COL23A1: variants seen among roughly 807,000 people sequenced by gnomAD.
COL23A1 encodes collagen alpha-1(XXIII) chain.
In COL23A1, 97 loss-of-function variants were observed where a neutral mutation model predicts 99.3. That is an observed-to-expected ratio of 0.98 (90% CI 0.83 to 1.16). COL23A1 has a LOEUF of 1.16. Among genes scored for constraint, COL23A1 ranks in the 50% most tolerant of loss-of-function variants. The probability of loss-of-function intolerance (pLI) is 0.00; values close to 1 mark genes in which losing one functional copy is unlikely to be tolerated. For synonymous variants in COL23A1, 320 were observed against 308.2 expected (o/e 1.04, Z -0.40); for missense variants, 762 against 757.4 (o/e 1.01, Z -0.07).
At chr5:178,432,337 CAG>C (rs1428364038) in intron 2 of COL23A1, among the ~76,000 whole-genome samples, 1 of 152,178 alleles carries the variant, frequency 6.6e-6, no homozygotes, top group Non-Finnish European at 1.5e-5. Flanking sequence ...AAAAGCCAAA[CAG>C]AGGACATTTT....
chr5:178,358,719 A>ATG (rs199624724), intron 2 of COL23A1, among the ~76,000 whole-genome samples: 16 of 102,904 alleles, frequency 1.6e-4, no homozygotes, highest in South Asian at 1.4e-3. Context: ...GTATGTGTGT[A>ATG]TGTGTATGTG....
chr5:178,253,038 C>A (rs1026274279), intron 16 of COL23A1, among the ~76,000 whole-genome samples: 2 of 150,058 alleles, frequency 1.3e-5, no homozygotes, highest in Admixed American at 1.3e-4. Flanking sequence ...CCTTCTGGCT[C>A]TGCTGCCTGC....
In COL23A1 at chr5:178,313,089, C is replaced by T. The variant is rs1363549988; in HGVS notation, c.362-6170G>A. Among the ~76,000 whole-genome samples, 1 of 152,152 alleles carries T rather than the reference C, an allele frequency of 6.6e-6. No homozygotes were observed. Among genetic ancestry groups the T allele is most frequent in the Admixed American group, 6.5e-5 (1 of 15,286 alleles). On this transcript the variant is annotated intron_variant, in intron 2 of 28. Coordinates refer to ENST00000390654, the MANE Select transcript of COL23A1 (RefSeq NM_173465.4). This position sits in a 1 kb window ranked among gnomAD's most constrained non-coding sequence, Gnocchi z 4.2. ...GTCACGCGATGGGAAGTAAGCCAGA[C>T]ACAGAAAGACAAATACGGAAGGATT...
chr5:178,257,493 G>A (rs758935382), intron 13 of COL23A1, 30 bp downstream of exon 13: 400 of 1,562,200 alleles, frequency 2.6e-4, no homozygotes, highest in Non-Finnish European at 1.8e-4. Flanking sequence ...GTGGGGGCAG[G>A]GGGCCACGAG....
chr5:178,278,186 C>T (rs1756697808), intron 5 of COL23A1, among the ~76,000 whole-genome samples: 1 of 152,234 alleles, frequency 6.6e-6, no homozygotes, highest in Non-Finnish European at 1.5e-5. Flanking sequence ...CAGCTCGCAG[C>T]ACACACTGAA....
At chr5:178,588,127 C>CAG (rs372279717) in intron 1 of COL23A1, among the ~76,000 whole-genome samples, 24 of 151,394 alleles carry the variant, frequency 1.6e-4, no homozygotes, top group East Asian at 5.8e-4. Context: ...TAATCAAGAA[C>CAG]AGAGAGAGAG....
chr5:178,415,747 G>C lies in COL23A1; in HGVS notation c.362-108828C>G, dbSNP rs1027757540. Among the ~76,000 whole-genome samples, 4 of 152,206 alleles carry C rather than the reference G, an allele frequency of 2.6e-5. No individual in the cohort carries two copies. Among genetic ancestry groups the C allele is most frequent in the Non-Finnish European group, 5.9e-5 (4 of 68,036 alleles). ...CAAGGGGATGCAGAAGAGTGAGCAC[G>C]AGGTTCTTGCCCACAGAGAGCTCCC... is the stretch of plus-strand genomic sequence containing the variant. On this transcript the variant is annotated intron_variant, in intron 2 of 28. Coordinates refer to ENST00000390654, the MANE Select transcript of COL23A1 (RefSeq NM_173465.4). The surrounding 1 kb of genome is among the most constrained non-coding windows in gnomAD (Gnocchi z 4.6).
intron 3 of COL23A1, among the ~76,000 whole-genome samples, chr5:178,302,685 T>A (rs1022443968): frequency 2.6e-5 from 4 of 152,226 alleles, no homozygotes; most frequent in African/African-American, 9.6e-5. Context: ...CCTTTGAACA[T>A]CTCATTCCCT....
In COL23A1 at chr5:178,268,743, G is replaced by A. The variant is rs755218615; in HGVS notation, c.482C>T (p.Pro161Leu). The change falls in exon 7 of 29, where the codon CCG (proline) becomes CTG (leucine). Residue 161 changes from proline (P) to leucine (L), a missense_variant. Transcript: ENST00000390654. Reference sequence around the variant, plus strand: ...GGCATCACTTACCTTTTCCCCTTTCGGGCCTGGAAGTCCCTGGAAAAGGAA... The same window carrying A: ...GGCATCACTTACCTTTTCCCCTTTCAGGCCTGGAAGTCCCTGGAAAAGGAA... The part of the protein sequence containing the change: ...GLDGKPGLPG[P>L]KGEKGAPGDF... The A allele has an allele frequency of 1.0e-5, 16 of 1,602,764 alleles. No individual in the cohort carries two copies. Among genetic ancestry groups the A allele is most frequent in the South Asian group, 2.3e-5 (2 of 88,730 alleles).
chr5:178,316,634 G>A (rs971065559), intron 2 of COL23A1, among the ~76,000 whole-genome samples: 5 of 152,154 alleles, frequency 3.3e-5, no homozygotes, highest in Non-Finnish European at 5.9e-5. Context: ...CATTTTCTAG[G>A]AAGAGGGATC....
intron 2 of COL23A1, among the ~76,000 whole-genome samples, chr5:178,547,280 C>T (rs1339355651): frequency 6.6e-6 from 1 of 151,970 alleles, no homozygotes; most frequent in South Asian, 2.1e-4. Flanking sequence ...TCAGCAGAGC[C>T]GAGCCCTGGC....
chr5:178,325,807 C>A lies in COL23A1; in HGVS notation c.362-18888G>T, dbSNP rs998428463. On this transcript the variant is annotated intron_variant, in intron 2 of 28. Transcript: ENST00000390654. ...GCTCCCAATTCCAGGGTGTCCACAG[C>A]GGCCTGTGCCTGGGTCTGATGTTTG... Among the ~76,000 whole-genome samples, 17 of 152,366 alleles carry A rather than the reference C, an allele frequency of 1.1e-4. No homozygotes were observed. In the South Asian group the frequency reaches 3.1e-3, roughly 28 times the overall value.
At chr5:178,552,823 C>T (rs1762070001) in intron 2 of COL23A1, among the ~76,000 whole-genome samples, 1 of 151,818 alleles carries the variant, frequency 6.6e-6, no homozygotes, top group South Asian at 2.1e-4. Context: ...AAGTGATTCT[C>T]CTGCCTCAGT....
At chr5:178,362,505 C>T (rs1229682210) in intron 2 of COL23A1, among the ~76,000 whole-genome samples, 3 of 152,132 alleles carry the variant, frequency 2.0e-5, no homozygotes. Flanking sequence ...CTTTGAAGAG[C>T]CACCCTCCCC....
At chr5:178,249,032 G>C in intron 19 of COL23A1, 85 bp downstream of exon 19, 1 of 1,391,184 alleles carries the variant, frequency 7.2e-7, no homozygotes, top group Non-Finnish European at 1.0e-6. Context: ...GTCACGCCCT[G>C]GCCTCCCCAC....
rs924973490 is a variant in COL23A1 at position 178,407,152 on chromosome 5, C to T, written c.362-100233G>A. 4.9e-4 allele frequency among the ~76,000 whole-genome samples: 74 copies of T among 152,232 alleles called. 1 individual carries two copies. Among genetic ancestry groups the T allele is most frequent in the Non-Finnish European group, 1.3e-4 (9 of 68,040 alleles). On this transcript the variant is annotated intron_variant, in intron 2 of 28. Coordinates refer to ENST00000390654, the MANE Select transcript of COL23A1 (RefSeq NM_173465.4). ...AGCCCCATGGGGAGCAGTAATGAGG[C>T]ACTCCTGCCCCACCCAGCAAGGGTG...
intron 1 of COL23A1, among the ~76,000 whole-genome samples, chr5:178,582,765 G>A (rs755412835): frequency 2.6e-5 from 4 of 152,162 alleles, no homozygotes; most frequent in Non-Finnish European, 5.9e-5. Context: ...CCGAGGACTT[G>A]GGGTACTCCC....
intron 2 of COL23A1, among the ~76,000 whole-genome samples, chr5:178,482,140 C>A (rs1246950868): frequency 3.3e-5 from 5 of 151,894 alleles, no homozygotes; most frequent in African/African-American, 1.2e-4. Context: ...CCAAAAGACA[C>A]AGATAGTTTT....
rs117281188 is a variant in COL23A1, at chr5:178,344,084, C to T, written c.362-37165G>A. Among the ~76,000 whole-genome samples, 119 of 152,224 alleles carry T rather than the reference C, an allele frequency of 7.8e-4. No homozygotes were observed. In the East Asian group the frequency reaches 0.02, roughly 26 times the overall value. Reference sequence around the variant, plus strand: ...CTTGAACTTTTAGAAAAGAAATGAACGTGTAGAAACTGGTTTTATTTTGCA... The same window carrying T: ...CTTGAACTTTTAGAAAAGAAATGAATGTGTAGAAACTGGTTTTATTTTGCA... On this transcript the variant is annotated intron_variant, in intron 2 of 28. Coordinates refer to ENST00000390654, the MANE Select transcript of COL23A1 (RefSeq NM_173465.4).
Sources: gnomAD v4.1 joint callset for allele counts (sites outside exome capture counted in the v4.1 genomes callset) on GRCh38, gnomAD v4.1.1 for gene constraint, Gnocchi (gnomAD v3.1) non-coding constraint, MANE v1.5 for transcripts, NCBI Gene and HGNC (gene_info 2026-07-23, HGNC 2026-07-21) for gene names.